GARRE1: variants seen among roughly 807,000 people sequenced by gnomAD.
GARRE1 encodes granule associated Rac and RHOG effector 1.
In GARRE1, 49 loss-of-function variants were observed where a neutral mutation model predicts 103.2. The ratio of observed to expected loss-of-function variants is 0.47; its 90% CI spans 0.38 to 0.60. The LOEUF is 0.60. Among genes scored for constraint, GARRE1 ranks in the 20% least tolerant of loss-of-function variants. The pLI, the probability that GARRE1 is intolerant of heterozygous loss-of-function variation, is 0.00. For synonymous variants in GARRE1, 505 were observed against 532.8 expected (o/e 0.95, Z 0.72); for missense variants, 1,199 against 1,370.5 (o/e 0.87, Z 1.98).
In GARRE1 at chr19:34,327,486, CT is replaced by C; in HGVS notation, c.775del (p.Cys259ValfsTer12). ...CLAGIEVQQL[F>X]CSQSAAIPEH... is the part of the protein sequence containing the mutation. ...TGGCAGGAATTGAAGTTCAACAACTCTTTTGTTCTCAAAGTGCAGCAATTCC... is the reference window on the plus strand; with the variant it reads ...TGGCAGGAATTGAAGTTCAACAACTCTTTGTTCTCAAAGTGCAGCAATTCC... On this transcript the variant is annotated frameshift_variant, in exon 4 of 14. Transcript: ENST00000299505. LOFTEE classifies it high-confidence loss of function. The C allele has an allele frequency of 6.2e-7, 1 of 1,614,074 alleles. No homozygotes were observed. Among genetic ancestry groups the C allele is most frequent in the Non-Finnish European group, 8.5e-7 (1 of 1,179,962 alleles).
intron 8 of GARRE1, 80 bp downstream of exon 8, chr19:34,333,881 A>T: frequency 1.1e-6 from 1 of 889,280 alleles, no homozygotes. Context: ...CTTGTTTTGA[A>T]CAATGCCCAT....
chr19:34,324,206 C>A (rs750225507), intron 3 of GARRE1, among the ~76,000 whole-genome samples: 1 of 152,200 alleles, frequency 6.6e-6, no homozygotes. Context: ...CCACTCTGCC[C>A]TGCCCTGTTT....
chr19:34,330,637 C>T (rs1213316713), intron 7 of GARRE1, among the ~76,000 whole-genome samples: 3 of 151,894 alleles, frequency 2.0e-5, no homozygotes, highest in East Asian at 1.9e-4. Context: ...GGCCCCATGG[C>T]TCATGCCTGT....
chr19:34,291,846 C>T (rs922472925), intron 1 of GARRE1, among the ~76,000 whole-genome samples: 3 of 151,548 alleles, frequency 2.0e-5, no homozygotes, highest in African/African-American at 4.9e-5. Context: ...AAGGACTCCT[C>T]ATTCCATAAA....
chr19:34,297,493 C>T (rs976822306), intron 1 of GARRE1, among the ~76,000 whole-genome samples: 3 of 152,178 alleles, frequency 2.0e-5, no homozygotes, highest in African/African-American at 7.2e-5. Flanking sequence ...TGGGGGCAGG[C>T]TCTCCTAGAG....
chr19:34,300,687 C>A lies in GARRE1; in HGVS notation c.214C>A (p.Pro72Thr), dbSNP rs776127731. 22 of 1,613,808 alleles carry A rather than the reference C, an allele frequency of 1.4e-5. No individual in the cohort carries two copies. The highest frequency in any genetic ancestry group is 4.4e-5 in the South Asian group (4 of 90,904). ...SCHHAMPHTT[P>T]IADIQQGISK... ...CCACCATGCCATGCCCCACACTACT[C>A]CTATCGCCGACATCCAGCAGGGCAT... is the stretch of plus-strand genomic sequence containing the variant. The change falls in exon 2 of 14, where the codon CCT becomes ACT. Residue 72 changes from proline (P) to threonine (T), a missense_variant. Transcript: ENST00000299505.
chr19:34,341,245 T>C lies in GARRE1; in HGVS notation c.1488-177T>C, dbSNP rs1220863643. ...GAACTTCCAGTCCTGCGTTAGACAC[T>C]GTAGATTTCATACTCTCCAAACCCC... On this transcript the variant is annotated intron_variant, in intron 9 of 13. Coordinates refer to ENST00000299505, the MANE Select transcript of GARRE1 (RefSeq NM_014686.5). 5 of 598,316 alleles carry C rather than the reference T, an allele frequency of 8.4e-6. No individual in the cohort carries two copies. The East Asian group carries it at 1.4e-4, about 17-fold the overall frequency. 37.1% of individuals were successfully genotyped at this position (598,316 alleles called of 1,614,324 possible). A position where few individuals can be genotyped will look rare whatever the true frequency, so the allele number is the denominator to read the frequency against.
Position 34,342,044 on chromosome 19 carries a change from C to G in GARRE1, c.2110C>G (p.Gln704Glu), listed in dbSNP as rs142267455. The G allele has an allele frequency of 1.3e-5, 21 of 1,613,968 alleles. No homozygotes were observed. The highest frequency in any genetic ancestry group is 1.8e-5 in the Non-Finnish European group (21 of 1,180,030). ...TGTGCCCCCTCCACCACGGGCACCC[C>G]AGGCTGGGGCACACACACCTCTGAC... Reference protein sequence around the residue: ...LPVPPPPRAPQAGAHTPLTPQ... With the variant: ...LPVPPPPRAPEAGAHTPLTPQ... Residue 704 changes from glutamine (Q) to glutamate (E), a missense_variant, in exon 10 of 14, where the codon CAG becomes GAG. By Grantham distance (29) the Gln-to-Glu change is conservative (BLOSUM62 2). Transcript: ENST00000299505.
chr19:34,272,493 C>A (rs1444923658), intron 1 of GARRE1, among the ~76,000 whole-genome samples: 1 of 152,128 alleles, frequency 6.6e-6, no homozygotes, highest in Non-Finnish European at 1.5e-5. Flanking sequence ...GCTACCGTGC[C>A]CTGGCCATGA....
chr19:34,346,289 G>T (rs575370259), intron 10 of GARRE1, among the ~76,000 whole-genome samples: 89 of 152,040 alleles, frequency 5.9e-4, no homozygotes, highest in Middle Eastern at 3.4e-3. Context: ...TTCTGTAAAC[G>T]CCATCTGTGC....
At chr19:34,280,559 G>C (rs1387225817) in intron 1 of GARRE1, among the ~76,000 whole-genome samples, 3 of 152,062 alleles carry the variant, frequency 2.0e-5, no homozygotes, top group African/African-American at 7.2e-5. Flanking sequence ...TGATTTTGAA[G>C]TCCAGTTTAT....
chr19:34,340,851 G>A (rs1456148062), intron 9 of GARRE1, among the ~76,000 whole-genome samples: 2 of 152,160 alleles, frequency 1.3e-5, no homozygotes, highest in Non-Finnish European at 2.9e-5. Context: ...AGTACACAAA[G>A]GCCAGAATAG....
intron 1 of GARRE1, among the ~76,000 whole-genome samples, chr19:34,271,597 A>G (rs1222029455): frequency 6.6e-6 from 1 of 152,106 alleles, no homozygotes; most frequent in Non-Finnish European, 1.5e-5. Context: ...GCGGTGGCTC[A>G]TGTCTGTAGT....
intron 2 of GARRE1, among the ~76,000 whole-genome samples, chr19:34,302,302 T>TG (rs908953385): frequency 1.7e-4 from 25 of 143,888 alleles, no homozygotes; most frequent in African/African-American, 5.7e-4. Flanking sequence ...GTTTTTTTTT[T>TG]TTTTTTTTTT....
In GARRE1 at chr19:34,300,348, T is replaced by C; in HGVS notation, c.-126T>C. ...TTGGATCACATGGTCACCTGCCTCA[T>C]GGAAATGCCTTTTTTAAAACTTCGA... is the stretch of plus-strand genomic sequence containing the variant. On this transcript the variant is annotated 5_prime_UTR_variant, in exon 2 of 14. It removes an upstream start codon present in the reference 5' UTR. Transcript: ENST00000299505. 9.1e-7 allele frequency: 1 copy of C among 1,098,518 alleles called. No individual in the cohort carries two copies. The highest frequency in any genetic ancestry group is 1.7e-5 in the South Asian group (1 of 59,684). The allele number at this position is 1,098,518 out of a possible 1,614,324, so 68.0% of individuals were successfully genotyped here.
In GARRE1 at chr19:34,300,519, C is replaced by A; in HGVS notation, c.46C>A (p.Arg16Ser). 1 of 1,612,432 alleles carries A rather than the reference C, an allele frequency of 6.2e-7. No individual in the cohort carries two copies. The highest frequency in any genetic ancestry group is 1.1e-5 in the South Asian group (1 of 90,854). ...AQDSKMDYKRRFLLGGSKQKV... is the reference protein window; with the variant it reads ...AQDSKMDYKRSFLLGGSKQKV... ...GGACAGTAAAATGGACTACAAGCGGCGCTTCCTGCTTGGCGGGTCCAAGCA... is the reference window on the plus strand; with the variant it reads ...GGACAGTAAAATGGACTACAAGCGGAGCTTCCTGCTTGGCGGGTCCAAGCA... The change falls in exon 2 of 14, where the codon CGC (arginine) becomes AGC (serine). Residue 16 changes from arginine to serine, a missense_variant. Transcript: ENST00000299505.
intron 2 of GARRE1, among the ~76,000 whole-genome samples, chr19:34,311,951 GA>G (rs1174648184): frequency 1.3e-5 from 2 of 151,740 alleles, no homozygotes; most frequent in African/African-American, 2.4e-5. Flanking sequence ...TTTTGGGTTT[GA>G]TTTTTTTTTA....
chr19:34,287,136 C>CAAA (rs34541474), intron 1 of GARRE1, among the ~76,000 whole-genome samples: 1,668 of 98,782 alleles, frequency 0.017, 17 homozygotes, highest in Non-Finnish European at 0.024. Context: ...AAGACTGTCT[C>CAAA]AAAAAAAAAA....
Position 34,342,210 on chromosome 19 carries a change from G to A in GARRE1, c.2276G>A (p.Gly759Asp). The A allele has an allele frequency of 6.2e-7, 1 of 1,614,214 alleles. No individual in the cohort carries two copies. Among genetic ancestry groups the A allele is most frequent in the Non-Finnish European group, 8.5e-7 (1 of 1,180,038 alleles). The change falls in exon 10 of 14, where the codon GGC (glycine) becomes GAC (aspartate). Residue 759 changes from glycine (G) to aspartate (D), a missense_variant. Coordinates refer to ENST00000299505, the MANE Select transcript of GARRE1 (RefSeq NM_014686.5). ...QPRAPGKWVH[G>D]SSQQPAQAVG... is the part of the protein sequence containing the mutation. ...CGGGCACCTGGGAAATGGGTACATG[G>A]CTCATCCCAGCAGCCAGCGCAGGCT...
Sources: gnomAD v4.1 joint callset for allele counts (sites outside exome capture counted in the v4.1 genomes callset) on GRCh38, gnomAD v4.1.1 for gene constraint, MANE v1.5 for transcripts, NCBI Gene and HGNC (gene_info 2026-07-23, HGNC 2026-07-21) for gene names.